The following GNG2 variants were observed in gnomAD, a reference collection of about 807,000 sequenced individuals.
The protein encoded by GNG2 is guanine nucleotide-binding protein G(I)/G(S)/G(O) subunit gamma-2.
A neutral mutation model predicts 5.5 loss-of-function variants in GNG2; 5 were observed. The observed-to-expected ratio is 0.91, with a 90% CI of 0.48 to 1.92. The LOEUF (loss-of-function observed/expected upper bound fraction) is 1.92. GNG2 is among the 30% of genes most tolerant of loss of function. The probability of loss-of-function intolerance (pLI) is 0.01; values close to 1 mark genes in which losing one functional copy is unlikely to be tolerated. For missense variants in GNG2, 55 were observed against 88.4 expected (o/e 0.62, Z 1.52); for synonymous variants, 28 against 32.0 (o/e 0.88, Z 0.42).
At chr14:51,830,195 TC>T (rs1432738114) in intron 2 of GNG2, among the ~76,000 whole-genome samples, 1 of 152,356 alleles carries the variant, frequency 6.6e-6, no homozygotes, top group Admixed American at 6.5e-5. Flanking sequence ...TTCCTAACTC[TC>T]CTGGGTTTCC....
chr14:51,911,950 A>G (rs73295077), intron 2 of GNG2, among the ~76,000 whole-genome samples: 12,599 of 148,148 alleles, frequency 0.085, 1,656 homozygotes, highest in African/African-American at 0.18. Flanking sequence ...TAGTAAATGA[A>G]AAAAAGTATA....
At chr14:51,843,239 C>T (rs375863258) in intron 2 of GNG2, among the ~76,000 whole-genome samples, 1 of 152,192 alleles carries the variant, frequency 6.6e-6, no homozygotes, top group East Asian at 1.9e-4. Context: ...GATGAAGGCA[C>T]AAACATCTAC....
intron 2 of GNG2, among the ~76,000 whole-genome samples, chr14:51,930,072 A>C (rs764793350): frequency 2.6e-5 from 4 of 152,232 alleles, no homozygotes; most frequent in Non-Finnish European, 5.9e-5. Flanking sequence ...GCCTCAAGCC[A>C]TGTGACACTG....
At chr14:51,890,632 A>G (rs1015441740) in intron 2 of GNG2, among the ~76,000 whole-genome samples, 2 of 152,256 alleles carry the variant, frequency 1.3e-5, no homozygotes, top group African/African-American at 4.8e-5. Context: ...TTGGCACTGG[A>G]AGAATATGGC....
At chr14:51,828,819 C>A (rs1881103784) in intron 2 of GNG2, among the ~76,000 whole-genome samples, 1 of 152,150 alleles carries the variant, frequency 6.6e-6, no homozygotes, top group Admixed American at 6.5e-5. Flanking sequence ...CCTGCCCTCA[C>A]CCTTCAGGAA....
chr14:51,851,347 T>C (rs1350715976), intron 2 of GNG2, among the ~76,000 whole-genome samples: 2 of 152,252 alleles, frequency 1.3e-5, no homozygotes, highest in Non-Finnish European at 2.9e-5. Flanking sequence ...GATCATAAGA[T>C]GCACTTCGTA....
intron 2 of GNG2, among the ~76,000 whole-genome samples, chr14:51,898,219 G>T (rs1885328587): frequency 6.6e-6 from 1 of 152,184 alleles, no homozygotes; most frequent in Non-Finnish European, 1.5e-5. Context: ...GCTTAAAAAT[G>T]ATTATGAGAT....
rs367908395 is a variant in GNG2, at chr14:51,900,547, G to A, written c.-30+22890G>A. On this transcript the variant is annotated intron_variant, in intron 2 of 3. Coordinates refer to ENST00000556766, the MANE Select transcript of GNG2 (RefSeq NM_053064.5). ...ATTCAAATAAGTGTCCTCCTACAGT[G>A]TCAGATGAACCTAGGATCTAGTATG... is the stretch of plus-strand genomic sequence containing the variant. Among the ~76,000 whole-genome samples, 7 of 149,770 alleles carry A rather than the reference G, an allele frequency of 4.7e-5. No homozygotes were observed. The East Asian group carries it at 9.7e-4, about 21-fold the overall frequency.
chr14:51,860,597 A>C (rs1288183808), upstream of GNG2: 1 of 152,374 alleles, frequency 6.6e-6, no homozygotes, highest in Non-Finnish European at 1.5e-5. Context: ...TTGAAGACAA[A>C]GCTGGGTGGG....
chr14:51,855,717 C>G (rs1882123594), upstream of GNG2, among the ~76,000 whole-genome samples: 1 of 152,186 alleles, frequency 6.6e-6, no homozygotes, highest in Admixed American at 6.5e-5. Flanking sequence ...TTTTACTCTT[C>G]CTTCTTCCCT....
intron 2 of GNG2, among the ~76,000 whole-genome samples, chr14:51,948,065 C>G (rs1422287823): frequency 1.3e-5 from 2 of 152,206 alleles, no homozygotes; most frequent in Non-Finnish European, 2.9e-5. Flanking sequence ...GCAGATGCCT[C>G]CCAGGCCAGT....
chr14:51,852,499 A>G (rs966579318), intron 2 of GNG2, among the ~76,000 whole-genome samples: 1 of 152,242 alleles, frequency 6.6e-6, no homozygotes, highest in Non-Finnish European at 1.5e-5. Flanking sequence ...TGATAATACA[A>G]TGTGATAAGA....
chr14:51,964,888 A>T (rs938187289), intron 3 of GNG2, among the ~76,000 whole-genome samples: 1 of 152,220 alleles, frequency 6.6e-6, no homozygotes, highest in Non-Finnish European at 1.5e-5. Flanking sequence ...AGTCCCAGCT[A>T]CTCAGGAGGC....
chr14:51,929,556 A>G (rs781300842), intron 2 of GNG2, among the ~76,000 whole-genome samples: 6 of 152,226 alleles, frequency 3.9e-5, no homozygotes, highest in Non-Finnish European at 1.5e-5. Flanking sequence ...AGTCATAAAT[A>G]TAAGCCGTAT....
At chr14:51,911,073 T>C (rs942797444) in intron 2 of GNG2, among the ~76,000 whole-genome samples, 2 of 152,136 alleles carry the variant, frequency 1.3e-5, no homozygotes, top group Non-Finnish European at 2.9e-5. Flanking sequence ...AGCTCAGAAT[T>C]TGTCTAGTGG....
chr14:51,878,077 C>T (rs1315630804), intron 2 of GNG2: 4 of 164,490 alleles, frequency 2.4e-5, no homozygotes, highest in Non-Finnish European at 5.2e-5. Flanking sequence ...AGGGCTTTTC[C>T]AGCAGCAGCA....
intron 2 of GNG2, among the ~76,000 whole-genome samples, chr14:51,943,115 C>T (rs1390382855): frequency 4.6e-5 from 7 of 152,134 alleles, no homozygotes. Context: ...CCTCTGGCAG[C>T]CCCAAAGCCA....
At chr14:51,906,931 A>G (rs1472517891) in intron 2 of GNG2, among the ~76,000 whole-genome samples, 2 of 149,478 alleles carry the variant, frequency 1.3e-5, no homozygotes, top group African/African-American at 4.9e-5. Flanking sequence ...AATTTTTTGT[A>G]TTTTTAGTAG....
intron 1 of GNG2, among the ~76,000 whole-genome samples, chr14:51,868,013 G>C (rs558306784): frequency 6.6e-6 from 1 of 152,086 alleles, no homozygotes; most frequent in African/African-American, 2.4e-5. Context: ...TTTATTTAAT[G>C]AACATTCTTG....
Sources: allele counts gnomAD v4.1 joint callset (sites outside exome capture counted in the v4.1 genomes callset), GRCh38; gene constraint gnomAD v4.1.1; transcripts MANE v1.5; gene names NCBI Gene and HGNC (gene_info 2026-07-23, HGNC 2026-07-21).